The following CFAP61 variants were observed in gnomAD, a reference collection of about 807,000 sequenced individuals.
The protein encoded by CFAP61 is cilia and flagella associated protein 61, also known as cilia- and flagella-associated protein 61.
In CFAP61, 107 loss-of-function variants were observed where a neutral mutation model predicts 135.6. The ratio of observed to expected loss-of-function variants is 0.79; its 90% CI spans 0.67 to 0.93. The LOEUF (loss-of-function observed/expected upper bound fraction) is 0.93, where lower values mean the gene tolerates loss of function less well. Ranked by LOEUF, CFAP61 falls within the 40% of genes least tolerant of loss-of-function variation. The pLI is 0.00. For synonymous variants in CFAP61, 575 were observed against 578.5 expected, an observed-to-expected ratio of 0.99 and a Z score of 0.09; for missense variants, 1,507 against 1,556.2, an observed-to-expected ratio of 0.97 and a Z score of 0.53.
intron 2 of CFAP61, among the ~76,000 whole-genome samples, chr20:20,068,711 T>C (rs940072593): frequency 7.2e-5 from 11 of 152,006 alleles, no homozygotes; most frequent in Admixed American, 1.3e-4. Context: ...GCAGGAAAAA[T>C]TTTTTGTTTT....
chr20:20,194,826 A>G (rs540211149), intron 15 of CFAP61, among the ~76,000 whole-genome samples: 2 of 152,316 alleles, frequency 1.3e-5, no homozygotes, highest in Admixed American at 1.3e-4. Flanking sequence ...GTTTCCTTCC[A>G]GTGTAAAACT....
intron 17 of CFAP61, among the ~76,000 whole-genome samples, chr20:20,204,579 C>T (rs1433202774): frequency 6.6e-6 from 1 of 152,138 alleles, no homozygotes; most frequent in Non-Finnish European, 1.5e-5. Context: ...TTGCATTATT[C>T]TCCCAGCACC....
intron 9 of CFAP61, among the ~76,000 whole-genome samples, chr20:20,155,295 A>T (rs1236441645): frequency 6.6e-6 from 1 of 152,204 alleles, no homozygotes; most frequent in Admixed American, 6.5e-5. Flanking sequence ...CAAAGACTTA[A>T]ATCTAAGAGG....
At chr20:20,118,045 T>A (rs1196108274) in intron 8 of CFAP61, among the ~76,000 whole-genome samples, 5 of 152,164 alleles carry the variant, frequency 3.3e-5, no homozygotes, top group Admixed American at 3.3e-4. Flanking sequence ...AAAACAAATT[T>A]GACATCTTCC....
chr20:20,293,542 C>T (rs767341400), intron 24 of CFAP61, among the ~76,000 whole-genome samples: 2 of 152,082 alleles, frequency 1.3e-5, no homozygotes, highest in Non-Finnish European at 2.9e-5. Context: ...TAAATATAGC[C>T]AATTGATCAA....
chr20:20,098,033 A>G (rs2047712255), intron 7 of CFAP61, among the ~76,000 whole-genome samples: 1 of 152,134 alleles, frequency 6.6e-6, no homozygotes, highest in African/African-American at 2.4e-5. Flanking sequence ...AAGACACCAA[A>G]TGGCAGAGGA....
intron 2 of CFAP61, among the ~76,000 whole-genome samples, chr20:20,060,638 A>T (rs760017137): frequency 2.6e-5 from 4 of 152,236 alleles, no homozygotes; most frequent in Non-Finnish European, 5.9e-5. Context: ...TGAGCCACAC[A>T]TCCTGTCACT....
At position 20,263,144 on chromosome 20, in the gene CFAP61, T is replaced by G; in HGVS notation, c.2503+14T>G. On this transcript the variant is annotated intron_variant, in intron 21 of 26. Transcript: ENST00000245957. ...TCACCACAGAAGGTAAGGATGTCGG[T>G]AACTGTGCATCTCTTCAGAATAGCG... 1 of 1,601,548 alleles carries G rather than the reference T, an allele frequency of 6.2e-7. No homozygotes were observed. Among genetic ancestry groups the G allele is most frequent in the South Asian group, 1.1e-5 (1 of 89,730 alleles).
chr20:20,142,776 T>C (rs1056527379), intron 8 of CFAP61, 81 bp from the exon 9 acceptor site: 142 of 790,976 alleles, frequency 1.8e-4, no homozygotes, highest in Middle Eastern at 1.6e-3. Flanking sequence ...TAAAACCATG[T>C]GACCATGCTG....
chr20:20,313,022 G>T (rs2056920588), intron 25 of CFAP61, among the ~76,000 whole-genome samples: 1 of 152,116 alleles, frequency 6.6e-6, no homozygotes, highest in Non-Finnish European at 1.5e-5. Flanking sequence ...CAATGCTGTG[G>T]ACTGAATTAT....
At chr20:20,090,411 G>A (rs1381555200) in intron 6 of CFAP61, among the ~76,000 whole-genome samples, 1 of 152,098 alleles carries the variant, frequency 6.6e-6, no homozygotes, top group Non-Finnish European at 1.5e-5. Flanking sequence ...GAAAGTTCAG[G>A]CCAGGCGTGG....
intron 6 of CFAP61, among the ~76,000 whole-genome samples, chr20:20,088,957 C>T (rs750174561): frequency 5.3e-5 from 8 of 152,028 alleles, no homozygotes; most frequent in Admixed American, 3.3e-4. Flanking sequence ...AGAGTGCATG[C>T]GGTCATTCAG....
intron 21 of CFAP61, 138 bp from the exon 22 acceptor site, chr20:20,277,028 C>G (rs1218211141): frequency 1.6e-6 from 1 of 607,410 alleles, no homozygotes; most frequent in East Asian, 2.8e-5. Flanking sequence ...TCTTGGTCGC[C>G]GTTGCTAGGT....
chr20:20,172,389 T>C, intron 13 of CFAP61: 1 of 607,368 alleles, frequency 1.6e-6, no homozygotes, highest in Non-Finnish European at 2.1e-6. Context: ...CAATCATGGC[T>C]CGCTGGAGCC....
In CFAP61 at chr20:20,187,949, G is replaced by A. The variant is rs576965895; in HGVS notation, c.1405G>A (p.Ala469Thr). 1 of 1,612,566 alleles carries A rather than the reference G, an allele frequency of 6.2e-7. No individual in the cohort carries two copies. The highest frequency in any genetic ancestry group is 8.5e-7 in the Non-Finnish European group (1 of 1,178,736). ...ACCCAGGTCCATTAATATAAGATTT[G>A]CCACTCTCTTGGATACTCCTGGTGT... ...GLLKSINIRF[A>T]TLLDTPGVEN... Residue 469 changes from alanine to threonine, a missense_variant, in exon 14 of 27, where the codon GCC (alanine) becomes ACC (threonine). Ala to Thr is a moderately conservative substitution (Grantham distance 58). Transcript: ENST00000245957.
At chr20:20,200,087 C>T (rs1171005551) in intron 17 of CFAP61, among the ~76,000 whole-genome samples, 185 bp downstream of exon 17, 1 of 152,220 alleles carries the variant, frequency 6.6e-6, no homozygotes, top group East Asian at 1.9e-4. Flanking sequence ...GTCGTTATTT[C>T]CCGGGAAGCC....
chr20:20,143,618 C>T (rs1011505139), intron 9 of CFAP61, among the ~76,000 whole-genome samples: 1 of 152,152 alleles, frequency 6.6e-6, no homozygotes, highest in African/African-American at 2.4e-5. Flanking sequence ...GCCAGCGATG[C>T]CTGGGAGATG....
chr20:20,352,345 C>T (rs1473386812), intron 26 of CFAP61, among the ~76,000 whole-genome samples: 1 of 152,186 alleles, frequency 6.6e-6, no homozygotes, highest in Non-Finnish European at 1.5e-5. Flanking sequence ...ATCATGAGGA[C>T]AGCATAGTTC....
intron 15 of CFAP61, 98 bp downstream of exon 15, chr20:20,191,517 A>G: frequency 1.3e-6 from 1 of 740,744 alleles, no homozygotes; most frequent in East Asian, 2.8e-5. Context: ...TTACTTATTT[A>G]ATGTGAATGC....
Sources: allele counts gnomAD v4.1 joint callset (sites outside exome capture counted in the v4.1 genomes callset), GRCh38; gene constraint gnomAD v4.1.1; transcripts MANE v1.5; gene names NCBI Gene and HGNC (gene_info 2026-07-23, HGNC 2026-07-21).